The following TCP11L2 variants were observed in gnomAD, a reference collection of about 807,000 sequenced individuals.
TCP11L2 encodes the protein t-complex 11 like 2.
In TCP11L2, 39 loss-of-function variants were observed where a neutral mutation model predicts 50.7. That is an observed-to-expected ratio of 0.77 (90% CI 0.60 to 1.01). TCP11L2 has a LOEUF of 1.01. TCP11L2 is among the 50% of genes least tolerant of loss of function. TCP11L2 has a pLI of 0.00. For synonymous variants in TCP11L2, 192 were observed against 219.3 expected (o/e 0.88, Z 1.10); for missense variants, 612 against 614.7 (o/e 1.00, Z 0.05).
intron 9 of TCP11L2, among the ~76,000 whole-genome samples, chr12:106,345,320 G>C (rs2036199369): frequency 1.3e-5 from 2 of 152,054 alleles, no homozygotes; most frequent in East Asian, 1.9e-4. Flanking sequence ...GTTCAACCAG[G>C]GTACTTTTGA....
At chr12:106,323,865 T>G (rs1220984825) in intron 6 of TCP11L2, 1 of 215,252 alleles carries the variant, frequency 4.6e-6, no homozygotes, top group African/African-American at 2.3e-5. Flanking sequence ...TAAAGAATTT[T>G]GGCCTTTCTA....
chr12:106,309,924 A>G (rs543758867), intron 1 of TCP11L2, among the ~76,000 whole-genome samples: 41 of 152,216 alleles, frequency 2.7e-4, no homozygotes, highest in African/African-American at 8.9e-4. Flanking sequence ...CCCTCATTGC[A>G]TGGGCTGGTT....
intron 1 of TCP11L2, among the ~76,000 whole-genome samples, chr12:106,308,799 T>C (rs2034731792): frequency 6.6e-6 from 1 of 152,220 alleles, no homozygotes; most frequent in African/African-American, 2.4e-5. Flanking sequence ...TGTCATGATA[T>C]CAGGTTGCAA....
At position 106,340,902 on chromosome 12, in the gene TCP11L2, A is replaced by G. The variant is rs1176733437; in HGVS notation, c.1219A>G (p.Arg407Gly). 1 of 1,613,646 alleles carries G rather than the reference A, an allele frequency of 6.2e-7. No individual in the cohort carries two copies. Among genetic ancestry groups the G allele is most frequent in the South Asian group, 1.1e-5 (1 of 91,010 alleles). ...CVEVNKTLME[R>G]GLPTLNAEIQ... ...TGAGGTTAACAAGACCCTGATGGAA[A>G]GAGGTTTACCCACTTTAAATGCTGA... is the stretch of plus-strand genomic sequence containing the variant. The change falls in exon 9 of 10, where the codon AGA becomes GGA. Residue 407 changes from arginine (R) to glycine (G), a missense_variant. Transcript: ENST00000299045.
intron 5 of TCP11L2, among the ~76,000 whole-genome samples, chr12:106,322,753 C>A (rs17218490): frequency 0.31 from 46,925 of 152,048 alleles, 7,510 homozygotes; most frequent in Non-Finnish European, 0.34. Context: ...CAATCTTGGG[C>A]AGGTTAATAG....
chr12:106,339,683 A>G (rs1013345738), intron 8 of TCP11L2, among the ~76,000 whole-genome samples: 1 of 152,214 alleles, frequency 6.6e-6, no homozygotes, highest in African/African-American at 2.4e-5. Flanking sequence ...AATTTTCTGC[A>G]TATGGCTAGC....
chr12:106,336,466 A>C (rs2035924444), intron 8 of TCP11L2, among the ~76,000 whole-genome samples: 1 of 152,180 alleles, frequency 6.6e-6, no homozygotes, highest in South Asian at 2.1e-4. Context: ...GAATGTGTAC[A>C]ACAGCTTTTC....
At chr12:106,310,940 C>A in intron 1 of TCP11L2, 101 bp from the exon 2 acceptor site, 1 of 1,098,084 alleles carries the variant, frequency 9.1e-7, no homozygotes, top group Non-Finnish European at 1.3e-6. Context: ...CTTTCCAACA[C>A]AGTGACACTT....
intron 6 of TCP11L2, chr12:106,325,082 C>G (rs2035489294): frequency 6.6e-6 from 1 of 152,226 alleles, no homozygotes; most frequent in Admixed American, 6.5e-5. Context: ...ACTCTAAGTA[C>G]TTTACCTGTA....
At chr12:106,335,945 G>T in intron 7 of TCP11L2, 87 bp from the exon 8 acceptor site, 1 of 1,494,998 alleles carries the variant, frequency 6.7e-7, no homozygotes, top group Middle Eastern at 2.1e-4. Context: ...AGATAAAAAT[G>T]GGAATTTGGA....
chr12:106,317,390 C>T (rs1461145760), intron 3 of TCP11L2, among the ~76,000 whole-genome samples: 17 of 152,160 alleles, frequency 1.1e-4, no homozygotes, highest in Non-Finnish European at 2.1e-4. Context: ...GCAGTGCATG[C>T]CTGTAATCCC....
chr12:106,340,606 C>T (rs1485152185), intron 8 of TCP11L2, among the ~76,000 whole-genome samples: 1 of 152,204 alleles, frequency 6.6e-6, no homozygotes, highest in Non-Finnish European at 1.5e-5. Flanking sequence ...TCTATTTAAA[C>T]ACTGCTACAC....
At chr12:106,305,860 G>A (rs1044654397) in intron 1 of TCP11L2, among the ~76,000 whole-genome samples, 3 of 152,216 alleles carry the variant, frequency 2.0e-5, no homozygotes, top group Non-Finnish European at 4.4e-5. Flanking sequence ...CATGTCTGAG[G>A]AACGCAAAGA....
At chr12:106,333,111 G>A (rs1386782125) in intron 6 of TCP11L2, among the ~76,000 whole-genome samples, 3 of 152,084 alleles carry the variant, frequency 2.0e-5, no homozygotes, top group African/African-American at 7.2e-5. Flanking sequence ...ACACACAAAG[G>A]ATGCATGCAA....
At chr12:106,309,256 G>A (rs1347476416) in intron 1 of TCP11L2, among the ~76,000 whole-genome samples, 2 of 152,180 alleles carry the variant, frequency 1.3e-5, no homozygotes, top group African/African-American at 4.8e-5. Flanking sequence ...TGGAGTTTAA[G>A]CTCAGGTAGA....
chr12:106,318,386 G>A lies in TCP11L2; in HGVS notation c.336G>A (p.Trp112Ter). 1.2e-6 allele frequency: 2 copies of A among 1,613,932 alleles called. No individual in the cohort carries two copies. The highest frequency in any genetic ancestry group is 1.7e-6 in the Non-Finnish European group (2 of 1,179,908). ...RVKHIVHQAF[W>*]DVLDSELNAD... Reference sequence around the variant, plus strand: ...AGCACATTGTTCACCAGGCCTTCTGGGACGTCTTGGATTCAGAACTAAATG... The same window carrying A: ...AGCACATTGTTCACCAGGCCTTCTGAGACGTCTTGGATTCAGAACTAAATG... The change falls in exon 4 of 10, where the codon TGG becomes TGA. Residue 112 changes from tryptophan to a stop codon, truncating the protein, a stop_gained. Transcript: ENST00000299045. LOFTEE classifies it high-confidence loss of function.
chr12:106,317,531 T>C (rs551483054), intron 3 of TCP11L2, among the ~76,000 whole-genome samples: 1 of 152,150 alleles, frequency 6.6e-6, no homozygotes, highest in Non-Finnish European at 1.5e-5. Flanking sequence ...AAAAGAGATA[T>C]ACTTATCAAA....
chr12:106,329,226 C>A, intron 6 of TCP11L2: 2 of 1,409,838 alleles, frequency 1.4e-6, no homozygotes, highest in Non-Finnish European at 1.9e-6. Context: ...GCTTATTTAC[C>A]TTTAAATCCC....
chr12:106,334,671 A>G (rs1228808058), intron 6 of TCP11L2, among the ~76,000 whole-genome samples: 1 of 152,196 alleles, frequency 6.6e-6, no homozygotes, highest in Non-Finnish European at 1.5e-5. Context: ...AGCCGGGCGC[A>G]GTGGCTCACG....
Sources: allele counts gnomAD v4.1 joint callset (sites outside exome capture counted in the v4.1 genomes callset), GRCh38; gene constraint gnomAD v4.1.1; transcripts MANE v1.5; gene names NCBI Gene and HGNC (gene_info 2026-07-23, HGNC 2026-07-21).